SLC24A2: variants seen among roughly 807,000 people sequenced by gnomAD.
SLC24A2 encodes the protein sodium/potassium/calcium exchanger 2.
Under a neutral mutation model 62.0 loss-of-function variants are expected in SLC24A2, and 36 were observed. The observed-to-expected ratio is 0.58, with a 90% CI of 0.44 to 0.77. The LOEUF is 0.77. Among genes scored for constraint, SLC24A2 ranks in the 30% least tolerant of loss-of-function variants. The pLI, the probability that SLC24A2 is intolerant of heterozygous loss-of-function variation, is 0.00. For synonymous variants in SLC24A2, 358 were observed against 294.0 expected (o/e 1.22, Z -2.23); for missense variants, 846 against 817.9 (o/e 1.03, Z -0.42).
At chr9:20,296,499 A>G in the SLC24A2 span, among the ~76,000 whole-genome samples, 1 of 152,248 alleles carries the variant, frequency 6.6e-6, no homozygotes, top group African/African-American at 2.4e-5. Flanking sequence ...TGTAAGCACT[A>G]TGCATGTATG....
At chr9:20,146,190 G>A in the SLC24A2 span, among the ~76,000 whole-genome samples, 1 of 152,116 alleles carries the variant, frequency 6.6e-6, no homozygotes, top group South Asian at 2.1e-4. Flanking sequence ...ACTTGCCTGA[G>A]TTATTAATAT....
At chr9:19,708,309 T>C (rs1260367204) in intron 2 of SLC24A2, among the ~76,000 whole-genome samples, 2 of 151,916 alleles carry the variant, frequency 1.3e-5, no homozygotes, top group Non-Finnish European at 2.9e-5. Context: ...AGAATCAATA[T>C]CGTGAAAATG....
intron 6 of SLC24A2, among the ~76,000 whole-genome samples, chr9:19,576,090 T>A (rs1836000696): frequency 6.6e-6 from 1 of 152,208 alleles, no homozygotes; most frequent in Non-Finnish European, 1.5e-5. Context: ...AGCCAAAAAT[T>A]TTCCCTGAGG....
the SLC24A2 span, among the ~76,000 whole-genome samples, chr9:20,141,883 G>C: frequency 0.14 from 21,757 of 152,178 alleles, 1,962 homozygotes; most frequent in Middle Eastern, 0.2. Flanking sequence ...AGGAGTTCAA[G>C]ACCAGCCTCG....
the SLC24A2 span, among the ~76,000 whole-genome samples, chr9:20,040,786 G>A: frequency 1.3e-5 from 2 of 152,150 alleles, no homozygotes; most frequent in Admixed American, 6.5e-5. Flanking sequence ...GGAAAGGACA[G>A]CACAGCCCCA....
the SLC24A2 span, among the ~76,000 whole-genome samples, chr9:20,067,085 G>A: frequency 6.6e-6 from 1 of 152,004 alleles, no homozygotes; most frequent in Non-Finnish European, 1.5e-5. Flanking sequence ...ATATATCAAA[G>A]GTTTCTTTTT....
the SLC24A2 span, among the ~76,000 whole-genome samples, chr9:20,019,267 GAAAGAA>G: frequency 1.1e-4 from 15 of 142,100 alleles, no homozygotes. Flanking sequence ...AAGAAAGAAA[GAAAGAA>G]AGAAAGAAAG....
chr9:19,584,498 G>A (rs1458998360), intron 5 of SLC24A2, among the ~76,000 whole-genome samples: 1 of 152,038 alleles, frequency 6.6e-6, no homozygotes, highest in African/African-American at 2.4e-5. Flanking sequence ...AAGAGTGAAA[G>A]TTCCTCCACA....
At chr9:20,049,461 A>T in the SLC24A2 span, among the ~76,000 whole-genome samples, 3 of 152,278 alleles carry the variant, frequency 2.0e-5, no homozygotes, top group East Asian at 5.8e-4. Context: ...GGATGTGGAT[A>T]GGAAGCCACA....
the SLC24A2 span, among the ~76,000 whole-genome samples, chr9:20,188,926 A>G: frequency 1.3e-5 from 2 of 152,202 alleles, no homozygotes; most frequent in Non-Finnish European, 2.9e-5. Context: ...TTACAGCAGC[A>G]TTGGGAAATT....
At chr9:20,038,655 C>G in the SLC24A2 span, among the ~76,000 whole-genome samples, 1 of 144,094 alleles carries the variant, frequency 6.9e-6, no homozygotes, top group Non-Finnish European at 1.5e-5. Context: ...AAAGGCTTTT[C>G]TTGCAAGATA....
At chr9:20,273,598 C>G in the SLC24A2 span, among the ~76,000 whole-genome samples, 2 of 152,178 alleles carry the variant, frequency 1.3e-5, no homozygotes, top group African/African-American at 4.8e-5. Context: ...TTGCCTGCTG[C>G]CATCCACATA....
the SLC24A2 span, among the ~76,000 whole-genome samples, chr9:20,199,027 G>C: frequency 6.6e-6 from 1 of 152,204 alleles, no homozygotes; most frequent in Non-Finnish European, 1.5e-5. Context: ...AAAAGAAACA[G>C]AAGGTAGACT....
the SLC24A2 span, among the ~76,000 whole-genome samples, chr9:20,099,723 A>G: frequency 6.6e-6 from 1 of 152,204 alleles, no homozygotes; most frequent in Non-Finnish European, 1.5e-5. Context: ...AAAGTAGACT[A>G]ACAAGACTTA....
intron 1 of SLC24A2, among the ~76,000 whole-genome samples, chr9:19,787,544 T>G (rs1302055596): frequency 6.6e-6 from 1 of 152,206 alleles, no homozygotes; most frequent in African/African-American, 2.4e-5. Flanking sequence ...AGTGAGTGAT[T>G]CTTTAATTTA....
At chr9:19,933,315 G>T in the SLC24A2 span, among the ~76,000 whole-genome samples, 1 of 152,186 alleles carries the variant, frequency 6.6e-6, no homozygotes, top group Non-Finnish European at 1.5e-5. Context: ...GGATTCACAG[G>T]TGTCCTGTAG....
At chr9:20,060,492 T>C in the SLC24A2 span, among the ~76,000 whole-genome samples, 1 of 152,160 alleles carries the variant, frequency 6.6e-6, no homozygotes, top group Admixed American at 6.5e-5. Context: ...ATTGTCTTAA[T>C]ATATGAAAGT....
chr9:20,255,374 G>A, the SLC24A2 span, among the ~76,000 whole-genome samples: 1 of 152,290 alleles, frequency 6.6e-6, no homozygotes, highest in East Asian at 1.9e-4. Flanking sequence ...TTGTTCTAGT[G>A]CTGTATTGTT....
At position 19,709,692 on chromosome 9, in the gene SLC24A2, G is replaced by GGGAA. The variant is rs753361368; in HGVS notation, c.930+76244_930+76245insTTCC. Among the ~76,000 whole-genome samples the GGGAA allele has an allele frequency of 1.8e-3, 260 of 144,452 alleles. 4 individuals are homozygous for GGGAA. The highest frequency in any genetic ancestry group is 6.0e-3 in the African/African-American group (237 of 39,288). 94.8% of individuals were successfully genotyped at this position (144,452 alleles called of 152,430 possible). ...ACACCGCATGTTCTCACTCATAGGT[G>GGGAA]CTGAACAATGAGAACACATGGACAC... On this transcript the variant is annotated intron_variant, in intron 2 of 10. Transcript: ENST00000341998.
Sources: allele counts gnomAD v4.1 joint callset (sites outside exome capture counted in the v4.1 genomes callset), GRCh38; gene constraint gnomAD v4.1.1; transcripts MANE v1.5; gene names NCBI Gene and HGNC (gene_info 2026-07-23, HGNC 2026-07-21).